ACSM2B: variants seen among roughly 807,000 people sequenced by gnomAD.
ACSM2B encodes acyl-coenzyme A synthetase ACSM2B, mitochondrial.
A neutral mutation model predicts 78.6 loss-of-function variants in ACSM2B; 58 were observed. The observed-to-expected ratio is 0.74, with a 90% CI of 0.60 to 0.92. The LOEUF (loss-of-function observed/expected upper bound fraction) is 0.92, where lower values mean the gene tolerates loss of function less well. ACSM2B is among the 40% of genes least tolerant of loss of function. The probability of loss-of-function intolerance (pLI) is 0.00; values close to 1 mark genes in which losing one functional copy is unlikely to be tolerated. For missense variants in ACSM2B, 688 were observed against 711.2 expected, an observed-to-expected ratio of 0.97 and a Z score of 0.37; for synonymous variants, 257 against 256.8, an observed-to-expected ratio of 1.00 and a Z score of -0.01.
At chr16:20,537,506 G>A (rs567117625) in intron 13 of ACSM2B, 144 bp from the exon 14 acceptor site, 43 of 833,194 alleles carry the variant, frequency 5.2e-5, no homozygotes, top group South Asian at 1.8e-4. Flanking sequence ...AGCTTCAGAA[G>A]GTGCTCTGGG....
In ACSM2B at chr16:20,566,311, A is replaced by G. The variant is rs557566861; in HGVS notation, c.-8-1458T>C. 3.2e-3 allele frequency among the ~76,000 whole-genome samples: 441 copies of G among 135,896 alleles called. 1 individual carries two copies. The highest frequency in any genetic ancestry group is 5.2e-3 in the Non-Finnish European group (329 of 63,586). 89.2% of individuals were successfully genotyped at this position (135,896 alleles called of 152,430 possible). A position where few individuals can be genotyped will look rare whatever the true frequency, so the allele number is the denominator to read the frequency against. The stretch of plus-strand genomic sequence containing the variant: ...GACAGATATATAGATATATAAATAT[A>G]TATCCATCAGCTTGGAATGAAGAAA... On this transcript the variant is annotated intron_variant, in intron 1 of 13. Transcript: ENST00000329697.
intron 8 of ACSM2B, chr16:20,546,730 T>A (rs180841627): frequency 8.5e-6 from 4 of 472,168 alleles, no homozygotes; most frequent in African/African-American, 7.9e-5. Context: ...CATTATAATC[T>A]CTTTTAGGGG....
At chr16:20,542,884 T>C (rs1389187590) in intron 12 of ACSM2B, 30 bp downstream of exon 12, 7 of 1,612,240 alleles carry the variant, frequency 4.3e-6, no homozygotes, top group Non-Finnish European at 5.9e-6. Flanking sequence ...TTCATATCTG[T>C]TCACCCCCAG....
rs777853409 is a variant in ACSM2B, at chr16:20,555,431, A to G, written c.434T>C (p.Ile145Thr). Residue 145 changes from isoleucine to threonine, a missense_variant, in exon 4 of 14, where the codon ATA becomes ACA. Ile to Thr is a moderately conservative substitution (Grantham distance 89, BLOSUM62 -1). Coordinates refer to ENST00000329697, the MANE Select transcript of ACSM2B (RefSeq NM_001105069.2). ...PGTIQMKSTDILYRLQMSKAK... is the reference protein window; with the variant it reads ...PGTIQMKSTDTLYRLQMSKAK... ...CTTAGACATCTGCAACCTATACAGTATGTCAGTGGATTTCATCTGGATGGT... is the reference window on the plus strand; with the variant it reads ...CTTAGACATCTGCAACCTATACAGTGTGTCAGTGGATTTCATCTGGATGGT... 1.9e-6 allele frequency: 3 copies of G among 1,613,724 alleles called. No individual in the cohort carries two copies. The highest frequency in any genetic ancestry group is 1.7e-5 in the Admixed American group (1 of 60,006).
At chr16:20,558,461 T>C (rs2015543661) in intron 3 of ACSM2B, among the ~76,000 whole-genome samples, 1 of 151,652 alleles carries the variant, frequency 6.6e-6, no homozygotes, top group African/African-American at 2.4e-5. Context: ...TATTAAACTC[T>C]TCTCTACCAC....
chr16:20,566,988 T>C (rs2152146751), intron 1 of ACSM2B, among the ~76,000 whole-genome samples: 1 of 122,838 alleles, frequency 8.1e-6, no homozygotes, highest in Admixed American at 1.1e-4. Context: ...TACTGTTATA[T>C]ATTATATATA....
chr16:20,565,116 A>G (rs532036625), intron 1 of ACSM2B, among the ~76,000 whole-genome samples: 38 of 152,288 alleles, frequency 2.5e-4, no homozygotes, highest in Non-Finnish European at 3.5e-4. Flanking sequence ...CCATTTCCAT[A>G]TAATAAATCC....
In ACSM2B at chr16:20,564,840, A is replaced by T. The variant is rs2015775111; in HGVS notation, c.6T>A (p.His2Gln). The T allele has an allele frequency of 3.1e-6, 5 of 1,610,972 alleles. No individual in the cohort carries two copies. The highest frequency in any genetic ancestry group is 4.2e-6 in the Non-Finnish European group (5 of 1,177,956). ...AAAGTCCCTGAACTTTTCGCAGCCAATGCATGTTCAGGCCTGTAAAAGAAA... is the reference window on the plus strand; with the variant it reads ...AAAGTCCCTGAACTTTTCGCAGCCATTGCATGTTCAGGCCTGTAAAAGAAA... M[H>Q]WLRKVQGLCT... The change falls in exon 2 of 14, where the codon CAT becomes CAA. Residue 2 changes from histidine to glutamine, a missense_variant. Physicochemically the swap from His to Gln is conservative, Grantham distance 24. Coordinates refer to ENST00000329697, the MANE Select transcript of ACSM2B (RefSeq NM_001105069.2).
In ACSM2B at chr16:20,536,960, C is replaced by T. The variant is rs562983662; in HGVS notation, c.*298G>A. On this transcript the variant is annotated 3_prime_UTR_variant, in exon 14 of 14. Transcript: ENST00000329697. The stretch of plus-strand genomic sequence containing the variant: ...TCCTCCTTCCCTTGCTTCCTCTCGC[C>T]TTCCCTCCCTACTTTATTTCTTTTT... 3.7e-5 allele frequency: 9 copies of T among 244,296 alleles called. No individual in the cohort carries two copies. The South Asian group carries it at 1.3e-3, about 34-fold the overall frequency. The allele number at this position is 244,296 out of a possible 1,614,324, so 15.1% of individuals were successfully genotyped here.
intron 1 of ACSM2B, among the ~76,000 whole-genome samples, chr16:20,567,633 T>C (rs1236325488): frequency 7.3e-6 from 1 of 136,896 alleles, no homozygotes; most frequent in Non-Finnish European, 1.5e-5. Flanking sequence ...ATTATATCTA[T>C]ATCTATATAT....
At chr16:20,575,011 G>A (rs1490343630) in intron 1 of ACSM2B, among the ~76,000 whole-genome samples, 1 of 149,636 alleles carries the variant, frequency 6.7e-6, no homozygotes, top group African/African-American at 2.5e-5. Context: ...CCTCTCATGA[G>A]CAATGAATCA....
At chr16:20,547,108 C>T in intron 8 of ACSM2B, 1 of 994,822 alleles carries the variant, frequency 1.0e-6, no homozygotes, top group South Asian at 3.7e-5. Flanking sequence ...GCCTGGACAC[C>T]AGATGTCACA....
At chr16:20,551,768 A>AAC (rs560562625) in intron 6 of ACSM2B, among the ~76,000 whole-genome samples, 2 of 152,030 alleles carry the variant, frequency 1.3e-5, no homozygotes, top group South Asian at 4.2e-4. Flanking sequence ...TGCACTCACA[A>AAC]ACACACACAC....
At chr16:20,549,905 A>T (rs899497044) in intron 6 of ACSM2B, 2 of 375,338 alleles carry the variant, frequency 5.3e-6, no homozygotes, top group African/African-American at 4.3e-5. Context: ...GGAATGCCTT[A>T]GTTAAGATAA....
At chr16:20,556,528 G>A (rs866133012) in intron 3 of ACSM2B, among the ~76,000 whole-genome samples, 2 of 152,280 alleles carry the variant, frequency 1.3e-5, no homozygotes, top group Admixed American at 1.3e-4. Context: ...CTTGAACCTG[G>A]GAGGCAAAGG....
intron 12 of ACSM2B, chr16:20,542,561 G>A (rs1204275495): frequency 3.7e-6 from 1 of 269,406 alleles, no homozygotes; most frequent in Non-Finnish European, 7.1e-6. Context: ...CAATTAACAT[G>A]GGAGTGTAGA....
chr16:20,555,107 G>GA (rs11413987), intron 4 of ACSM2B, among the ~76,000 whole-genome samples, 162 bp downstream of exon 4: 57,348 of 148,982 alleles, frequency 0.38, 13,794 homozygotes, highest in East Asian at 0.86. Flanking sequence ...GCAATGACTT[G>GA]AAAAAAAAAA....
chr16:20,570,552 G>C (rs1332074963), intron 1 of ACSM2B, among the ~76,000 whole-genome samples: 1 of 151,810 alleles, frequency 6.6e-6, no homozygotes, highest in African/African-American at 2.4e-5. Context: ...TCTGGTTTGG[G>C]TATGAGGGTA....
chr16:20,561,124 C>A (rs1311539022), intron 2 of ACSM2B, among the ~76,000 whole-genome samples: 2 of 152,160 alleles, frequency 1.3e-5, no homozygotes, highest in East Asian at 3.9e-4. Flanking sequence ...GAAATTCTGA[C>A]ATATGTTACA....
Sources: gnomAD v4.1 joint callset for allele counts (sites outside exome capture counted in the v4.1 genomes callset) on GRCh38, gnomAD v4.1.1 for gene constraint, MANE v1.5 for transcripts, NCBI Gene and HGNC (gene_info 2026-07-23, HGNC 2026-07-21) for gene names.